ADAM12: variants seen among roughly 807,000 people sequenced by gnomAD.
ADAM12 encodes the protein ADAM metallopeptidase domain 12.
ADAM12 carries 70 observed loss-of-function variants against 106.4 expected under a neutral mutation model. The observed-to-expected ratio is 0.66, with a 90% CI of 0.54 to 0.80. The LOEUF (loss-of-function observed/expected upper bound fraction) is 0.80. ADAM12 is among the 30% of genes least tolerant of loss of function. The probability of loss-of-function intolerance (pLI) is 0.00; values close to 1 mark genes in which losing one functional copy is unlikely to be tolerated. For missense variants in ADAM12, 1,010 were observed against 1,171.9 expected, an observed-to-expected ratio of 0.86 and a Z score of 2.02; for synonymous variants, 420 against 433.5, an observed-to-expected ratio of 0.97 and a Z score of 0.39.
At chr10:126,254,450 C>T (rs1657681903) in intron 3 of ADAM12, among the ~76,000 whole-genome samples, 1 of 152,218 alleles carries the variant, frequency 6.6e-6, no homozygotes, top group South Asian at 2.1e-4. Context: ...AGCTTCACCC[C>T]AGCAAGAGCA....
intron 1 of ADAM12, among the ~76,000 whole-genome samples, chr10:126,357,711 C>A (rs555725404): frequency 1.3e-5 from 2 of 152,194 alleles, no homozygotes; most frequent in Non-Finnish European, 2.9e-5. Context: ...GGAAAAGACC[C>A]TTATAAAAAG....
chr10:126,226,549 G>A (rs1312951507), intron 3 of ADAM12, among the ~76,000 whole-genome samples: 1 of 152,192 alleles, frequency 6.6e-6, no homozygotes, highest in Non-Finnish European at 1.5e-5. Context: ...CTGAATTCTG[G>A]CTCTGCCTCC....
chr10:126,094,920 G>A lies in ADAM12; in HGVS notation c.997-787C>T, dbSNP rs1407405706. ...CCACCCCTAACTTAGTGGAGTGCCT[G>A]GATGGCTTGGCTCAAACAGATACTA... On this transcript the variant is annotated intron_variant, in intron 10 of 22. Coordinates refer to ENST00000448723, the MANE Select transcript of ADAM12 (RefSeq NM_001288973.2). 2.0e-5 allele frequency among the ~76,000 whole-genome samples: 3 copies of A among 152,064 alleles called. No individual in the cohort carries two copies. In the East Asian group the frequency reaches 5.8e-4, roughly 29 times the overall value.
At chr10:126,050,468 G>T (rs1244879344) in intron 14 of ADAM12, among the ~76,000 whole-genome samples, 1 of 152,218 alleles carries the variant, frequency 6.6e-6, no homozygotes, top group East Asian at 1.9e-4. Context: ...ACATTCTTTA[G>T]AACAAACCAT....
chr10:126,201,342 A>T (rs139543914), intron 3 of ADAM12, among the ~76,000 whole-genome samples: 205 of 152,290 alleles, frequency 1.3e-3, no homozygotes, highest in African/African-American at 4.6e-3. Context: ...GGAGGCTGCC[A>T]TGAGACGAAA....
At chr10:126,325,033 C>A (rs1310963838) in intron 2 of ADAM12, among the ~76,000 whole-genome samples, 1 of 152,060 alleles carries the variant, frequency 6.6e-6, no homozygotes, top group Non-Finnish European at 1.5e-5. Flanking sequence ...AGAGGGACAT[C>A]ACCAGCGGGA....
intron 16 of ADAM12, among the ~76,000 whole-genome samples, chr10:126,046,892 T>TC (rs138293425): frequency 0.13 from 18,766 of 145,914 alleles, 1,276 homozygotes; most frequent in Middle Eastern, 0.29. Context: ...AGATGGAGAC[T>TC]CCAAGAATCC....
intron 18 of ADAM12, among the ~76,000 whole-genome samples, chr10:126,042,548 ACCACACAG>A (rs1488041318): frequency 3.3e-5 from 5 of 152,188 alleles, no homozygotes; most frequent in African/African-American, 1.2e-4. Context: ...CATAAAATGC[ACCACACAG>A]CACCTGCACA....
intron 1 of ADAM12, among the ~76,000 whole-genome samples, chr10:126,379,831 A>G (rs1856428939): frequency 6.6e-6 from 1 of 152,106 alleles, no homozygotes; most frequent in Admixed American, 6.5e-5. Context: ...TCTCCATCCT[A>G]TCCTGGCTTT....
intron 4 of ADAM12, among the ~76,000 whole-genome samples, chr10:126,148,213 T>C (rs910969073): frequency 6.6e-6 from 1 of 152,200 alleles, no homozygotes; most frequent in Non-Finnish European, 1.5e-5. Context: ...TGTTGAGATA[T>C]TTAAAGAAAA....
rs1284430873 is a variant in ADAM12 at position 126,146,557 on chromosome 10, C to A, written c.339+8670G>T. ...TTCCTGTGCCCAGCTATCACCAGAC[C>A]CCCAGCTGACAGAAAATTGCAATTT... is the stretch of plus-strand genomic sequence containing the variant. On this transcript the variant is annotated intron_variant, in intron 4 of 22. Coordinates refer to ENST00000448723, the MANE Select transcript of ADAM12 (RefSeq NM_001288973.2). Among the ~76,000 whole-genome samples the A allele has an allele frequency of 3.3e-5, 5 of 152,100 alleles. No homozygotes were observed. The East Asian group carries it at 7.7e-4, about 23-fold the overall frequency.
chr10:126,032,206 C>G (rs1157046068), intron 21 of ADAM12, among the ~76,000 whole-genome samples: 1 of 152,162 alleles, frequency 6.6e-6, no homozygotes, highest in Admixed American at 6.5e-5. Context: ...CTGTGTGTCA[C>G]GTTGTCCTGG....
intron 21 of ADAM12, among the ~76,000 whole-genome samples, chr10:126,028,264 A>G (rs942936796): frequency 7.2e-5 from 11 of 152,288 alleles, no homozygotes; most frequent in South Asian, 2.1e-4. Flanking sequence ...AATAGAATCA[A>G]TGCTATCCCC....
At chr10:126,123,846 A>C (rs1956155200) in intron 5 of ADAM12, among the ~76,000 whole-genome samples, 1 of 152,116 alleles carries the variant, frequency 6.6e-6, no homozygotes, top group Admixed American at 6.5e-5. Flanking sequence ...GAAAGAGAAA[A>C]TGGAGCCGCT....
chr10:126,341,362 C>A (rs896223856), intron 1 of ADAM12, among the ~76,000 whole-genome samples: 1 of 152,102 alleles, frequency 6.6e-6, no homozygotes, highest in African/African-American at 2.4e-5. Context: ...TATTATCAAA[C>A]AAATTAAAAA....
At chr10:126,062,028 A>G (rs1954766837) in intron 14 of ADAM12, among the ~76,000 whole-genome samples, 1 of 152,122 alleles carries the variant, frequency 6.6e-6, no homozygotes, top group African/African-American at 2.4e-5. Context: ...ATCAAGGGCC[A>G]CAGTGGGTTG....
intron 5 of ADAM12, among the ~76,000 whole-genome samples, chr10:126,131,505 C>T (rs953194753): frequency 5.3e-5 from 8 of 152,102 alleles, no homozygotes; most frequent in African/African-American, 9.7e-5. Context: ...GTGATGGTAT[C>T]GGGAGATGGG....
At chr10:126,284,388 C>T (rs1959745465) in intron 2 of ADAM12, among the ~76,000 whole-genome samples, 1 of 150,166 alleles carries the variant, frequency 6.7e-6, no homozygotes, top group Admixed American at 6.6e-5. Flanking sequence ...TCTGTAGCAG[C>T]CATGTGGAGA....
At chr10:126,330,277 A>T in intron 2 of ADAM12, 135 bp downstream of exon 2, 1 of 760,574 alleles carries the variant, frequency 1.3e-6, no homozygotes, top group Non-Finnish European at 2.1e-6. Flanking sequence ...GCTTAAGAAT[A>T]AAGCTTCCAT....
Sources: gnomAD v4.1 joint callset for allele counts (sites outside exome capture counted in the v4.1 genomes callset) on GRCh38, gnomAD v4.1.1 for gene constraint, MANE v1.5 for transcripts, NCBI Gene and HGNC (gene_info 2026-07-23, HGNC 2026-07-21) for gene names.